PKP4: variants seen among roughly 807,000 people sequenced by gnomAD.
PKP4 encodes plakophilin 4.
PKP4 carries 90 observed loss-of-function variants against 145.1 expected under a neutral mutation model. That is an observed-to-expected ratio of 0.62 (90% CI 0.52 to 0.74). PKP4 has a LOEUF of 0.74. Among genes scored for constraint, PKP4 ranks in the 30% least tolerant of loss-of-function variants. The probability of loss-of-function intolerance (pLI) is 0.00; values close to 1 mark genes in which losing one functional copy is unlikely to be tolerated. For synonymous variants in PKP4, 563 were observed against 577.2 expected, an observed-to-expected ratio of 0.98 and a Z score of 0.35; for missense variants, 1,340 against 1,482.7, an observed-to-expected ratio of 0.90 and a Z score of 1.58.
At chr2:158,612,415 GT>G (rs2051227294) in intron 4 of PKP4, among the ~76,000 whole-genome samples, 1 of 152,058 alleles carries the variant, frequency 6.6e-6, no homozygotes, top group African/African-American at 2.4e-5. Context: ...TGAACATTTT[GT>G]TTTTTCCAGT....
In PKP4 at chr2:158,638,826, A is replaced by G. The variant is rs150022887; in HGVS notation, c.1563-1801A>G. ...AAAGAGAGGAATCAAAGAGAAGTCT[A>G]TTTCGTTTCAAGCAGATGTATAGAT... On this transcript the variant is annotated intron_variant, in intron 9 of 21. Transcript: ENST00000389759. 4.6e-5 allele frequency among the ~76,000 whole-genome samples: 7 copies of G among 152,316 alleles called. No homozygotes were observed. In the East Asian group the frequency reaches 1.2e-3, roughly 25 times the overall value.
intron 3 of PKP4, among the ~76,000 whole-genome samples, chr2:158,600,230 A>T (rs1250923169): frequency 2.6e-5 from 4 of 152,242 alleles, no homozygotes; most frequent in Non-Finnish European, 4.4e-5. Context: ...TTAAGTTATT[A>T]ACGTATTAAA....
chr2:158,579,692 A>G lies in PKP4; in HGVS notation c.245+2309A>G, dbSNP rs1309713631. On this transcript the variant is annotated intron_variant, in intron 3 of 21. Coordinates refer to ENST00000389759, the MANE Select transcript of PKP4 (RefSeq NM_003628.6). Reference sequence around the variant, plus strand: ...TGGAAAATAAACTGTTAATAGGTACACTCTAAAGCAGTTAAAATGAAACTC... The same window carrying G: ...TGGAAAATAAACTGTTAATAGGTACGCTCTAAAGCAGTTAAAATGAAACTC... 5.3e-5 allele frequency among the ~76,000 whole-genome samples: 8 copies of G among 152,276 alleles called. No individual in the cohort carries two copies. The East Asian group carries it at 1.2e-3, about 22-fold the overall frequency.
chr2:158,529,902 C>T (rs989074321), intron 1 of PKP4, among the ~76,000 whole-genome samples: 1 of 152,130 alleles, frequency 6.6e-6, no homozygotes, highest in Non-Finnish European at 1.5e-5. Context: ...TTGTATATGA[C>T]TTGTATTGAT....
In PKP4 at chr2:158,676,747, A is replaced by G; in HGVS notation, c.3136A>G (p.Thr1046Ala). 1 of 1,613,954 alleles carries G rather than the reference A, an allele frequency of 6.2e-7. No individual in the cohort carries two copies. Among genetic ancestry groups the G allele is most frequent in the Non-Finnish European group, 8.5e-7 (1 of 1,179,984 alleles). ...MSPIIQSVGS[T>A]SSSPALLGIR... ...TTTGCCTCTCCCTTCAGTCGGCAGCACCTCTTCCTCACCAGCACTGTTAGG... is the reference window on the plus strand; with the variant it reads ...TTTGCCTCTCCCTTCAGTCGGCAGCGCCTCTTCCTCACCAGCACTGTTAGG... The change falls in exon 20 of 22, where the codon ACC becomes GCC. Residue 1046 changes from threonine (T) to alanine (A), a missense_variant. By Grantham distance (58) the Thr-to-Ala change is moderately conservative. Transcript: ENST00000389759.
At chr2:158,669,534 A>G in intron 16 of PKP4, 186 bp from the exon 17 acceptor site, 6 of 413,456 alleles carry the variant, frequency 1.5e-5, no homozygotes, top group Non-Finnish European at 2.2e-5. Context: ...GTTGCAATAA[A>G]TGTTAGCTTT....
At chr2:158,510,311 TCAG>T (rs768275203) in intron 1 of PKP4, among the ~76,000 whole-genome samples, 3 of 152,218 alleles carry the variant, frequency 2.0e-5, no homozygotes, top group African/African-American at 7.2e-5. Flanking sequence ...ATCAGTTCTG[TCAG>T]CAGGCATTTT....
intron 1 of PKP4, among the ~76,000 whole-genome samples, chr2:158,490,571 G>C (rs1694799675): frequency 6.6e-6 from 1 of 152,192 alleles, no homozygotes; most frequent in Admixed American, 6.5e-5. Context: ...AGTTTAGAAA[G>C]GGGAAATAGC....
In PKP4 at chr2:158,680,423, C is replaced by A; in HGVS notation, c.3331-6C>A. On this transcript the variant is annotated splice_region_variant and splice_polypyrimidine_tract_variant and intron_variant, in intron 21 of 21. Transcript: ENST00000389759. ...TTATTTATTTGCCTTTTCATTTTGT[C>A]AACAGCATCAACAGCTGTATTATAG... The A allele has an allele frequency of 6.4e-7, 1 of 1,562,708 alleles. No individual in the cohort carries two copies. The highest frequency in any genetic ancestry group is 1.2e-5 in the South Asian group (1 of 83,872).
intron 17 of PKP4, among the ~76,000 whole-genome samples, chr2:158,670,169 T>A (rs1470512774): frequency 2.0e-5 from 3 of 152,226 alleles, no homozygotes; most frequent in Admixed American, 1.3e-4. Context: ...TCTGTCTTAG[T>A]CTGTTTGTTC....
At position 158,634,230 on chromosome 2, in the gene PKP4, GC is replaced by G; in HGVS notation, c.1505del (p.Pro502ArgfsTer12). On this transcript the variant is annotated frameshift_variant, in exon 9 of 22. Coordinates refer to ENST00000389759, the MANE Select transcript of PKP4 (RefSeq NM_003628.6). LOFTEE classifies it high-confidence loss of function. ...ATTATAACAGGCTTCAGCATGCAGT[GC>G]CGGCTGATGATGGCACCACAAGATC... Reference protein sequence around the residue: ...CNYNRLQHAVPADDGTTRSPS... With the variant: ...CNYNRLQHAVXADDGTTRSPS... The G allele has an allele frequency of 6.2e-7, 1 of 1,614,098 alleles. No individual in the cohort carries two copies. The highest frequency in any genetic ancestry group is 8.5e-7 in the Non-Finnish European group (1 of 1,180,012).
intron 1 of PKP4, among the ~76,000 whole-genome samples, chr2:158,460,634 T>C (rs1689622679): frequency 6.6e-6 from 1 of 152,218 alleles, no homozygotes; most frequent in African/African-American, 2.4e-5. Flanking sequence ...TCTGTTTCAA[T>C]TGAGCAGTAA....
intron 1 of PKP4, among the ~76,000 whole-genome samples, chr2:158,467,732 A>G (rs1240974565): frequency 6.6e-6 from 1 of 152,136 alleles, no homozygotes; most frequent in African/African-American, 2.4e-5. Context: ...CTGTAGTCTC[A>G]GGTAATTGGG....
At chr2:158,554,401 T>C (rs975072995) in intron 2 of PKP4, among the ~76,000 whole-genome samples, 1 of 137,454 alleles carries the variant, frequency 7.3e-6, no homozygotes, top group South Asian at 2.4e-4. Flanking sequence ...ACTTTCTTAG[T>C]ATTCACTCAG....
chr2:158,503,181 T>C (rs554233471), intron 1 of PKP4, among the ~76,000 whole-genome samples: 2 of 152,376 alleles, frequency 1.3e-5, no homozygotes, highest in Admixed American at 1.3e-4. Context: ...ATTTGTTAGC[T>C]GTACTTAACT....
chr2:158,498,524 A>G (rs1696083172), intron 1 of PKP4, among the ~76,000 whole-genome samples: 1 of 152,168 alleles, frequency 6.6e-6, no homozygotes, highest in Non-Finnish European at 1.5e-5. Flanking sequence ...TGTGAAATGT[A>G]ATTTTGTTTC....
intron 2 of PKP4, among the ~76,000 whole-genome samples, chr2:158,571,668 A>C (rs2105767420): frequency 6.6e-6 from 1 of 152,290 alleles, no homozygotes; most frequent in East Asian, 1.9e-4. Flanking sequence ...GTAAAGAGAG[A>C]GTTTGTAAAC....
Position 158,634,984 on chromosome 2 carries a change from A to G in PKP4, c.1562+695A>G, listed in dbSNP as rs1268886990. 2.0e-5 allele frequency among the ~76,000 whole-genome samples: 3 copies of G among 152,202 alleles called. No homozygotes were observed. The East Asian group carries it at 5.8e-4, about 29-fold the overall frequency. On this transcript the variant is annotated intron_variant, in intron 9 of 21. Transcript: ENST00000389759. ...AAGCCATTTAAAATATTCAGGAAATAAAGATATTTTGAAACTAAAAGAATT... is the reference window on the plus strand; with the variant it reads ...AAGCCATTTAAAATATTCAGGAAATGAAGATATTTTGAAACTAAAAGAATT...
intron 11 of PKP4, among the ~76,000 whole-genome samples, chr2:158,654,057 T>C (rs186637771): frequency 1.3e-5 from 2 of 152,372 alleles, no homozygotes; most frequent in African/African-American, 2.4e-5. Flanking sequence ...CTTTTAAGTT[T>C]AATTAAATCT....
Sources: allele counts gnomAD v4.1 joint callset (sites outside exome capture counted in the v4.1 genomes callset), GRCh38; gene constraint gnomAD v4.1.1; transcripts MANE v1.5; gene names NCBI Gene and HGNC (gene_info 2026-07-23, HGNC 2026-07-21).